Variants in SLIT3 observed in about 807,000 individuals in gnomAD.
SLIT3 encodes slit guidance ligand 3.
A neutral mutation model predicts 184.0 loss-of-function variants in SLIT3; 68 were observed. The ratio of observed to expected loss-of-function variants is 0.37; its 90% CI spans 0.30 to 0.45. The LOEUF (loss-of-function observed/expected upper bound fraction) is 0.45. SLIT3 is among the 20% of genes least tolerant of loss of function. The probability of loss-of-function intolerance (pLI) is 1.00; values close to 1 mark genes in which losing one functional copy is unlikely to be tolerated. For synonymous variants in SLIT3, 831 were observed against 828.6 expected, an observed-to-expected ratio of 1.00 and a Z score of -0.05; for missense variants, 1,707 against 2,026.0, an observed-to-expected ratio of 0.84 and a Z score of 3.02.
chr5:168,930,220 G>A (rs1761945103), intron 4 of SLIT3, among the ~76,000 whole-genome samples: 1 of 152,160 alleles, frequency 6.6e-6, no homozygotes, highest in South Asian at 2.1e-4. Flanking sequence ...ACACCCCATG[G>A]CCCGCATTTT....
At chr5:169,249,351 T>C (rs1334931454) in intron 2 of SLIT3, among the ~76,000 whole-genome samples, 1 of 152,164 alleles carries the variant, frequency 6.6e-6, no homozygotes, top group Non-Finnish European at 1.5e-5. Flanking sequence ...ATAAGAGGAA[T>C]GTACCAATTA....
At chr5:168,758,482 T>C (rs1755029123) in intron 16 of SLIT3, among the ~76,000 whole-genome samples, 1 of 152,224 alleles carries the variant, frequency 6.6e-6, no homozygotes. Flanking sequence ...TACATTTCTC[T>C]GGTTTGAAAT....
intron 1 of SLIT3, among the ~76,000 whole-genome samples, chr5:169,285,431 A>G (rs1394448607): frequency 6.6e-6 from 1 of 152,242 alleles, no homozygotes; most frequent in Non-Finnish European, 1.5e-5. Context: ...TGGTACAGAA[A>G]AATGATGATC....
At chr5:168,798,611 C>T (rs1027522288) in intron 9 of SLIT3, among the ~76,000 whole-genome samples, 3 of 152,054 alleles carry the variant, frequency 2.0e-5, no homozygotes, top group African/African-American at 7.2e-5. Context: ...CCTGGAGTGC[C>T]AAGGCCATTG....
intron 4 of SLIT3, among the ~76,000 whole-genome samples, chr5:168,991,015 A>AG (rs34857380): frequency 6.6e-6 from 1 of 152,138 alleles, no homozygotes. Context: ...CATTCTGTGA[A>AG]GGGGGAAAGT....
At chr5:169,114,180 C>T (rs758877229) in intron 4 of SLIT3, among the ~76,000 whole-genome samples, 71 of 152,274 alleles carry the variant, frequency 4.7e-4, no homozygotes, top group Non-Finnish European at 8.1e-4. Context: ...AGGACAAAAA[C>T]CTCCCTACCT....
intron 3 of SLIT3, among the ~76,000 whole-genome samples, chr5:169,215,382 G>A (rs1170930702): frequency 6.6e-6 from 1 of 152,110 alleles, no homozygotes; most frequent in Non-Finnish European, 1.5e-5. Context: ...TACTCCCAGA[G>A]TCCTCTGTCA....
intron 4 of SLIT3, among the ~76,000 whole-genome samples, chr5:169,151,800 A>G (rs374638375): frequency 1.3e-5 from 2 of 152,286 alleles, no homozygotes; most frequent in South Asian, 2.1e-4. Context: ...TCAGGAAAAG[A>G]TAGAGAAAGA....
intron 9 of SLIT3, among the ~76,000 whole-genome samples, chr5:168,804,033 A>G (rs1055115009): frequency 1.3e-5 from 2 of 151,818 alleles, no homozygotes; most frequent in African/African-American, 4.8e-5. Context: ...GAGGGCGGGC[A>G]CGGTGGCTCA....
At chr5:169,140,480 C>CAA (rs34881862) in intron 4 of SLIT3, among the ~76,000 whole-genome samples, 12 of 46,922 alleles carry the variant, frequency 2.6e-4, no homozygotes, top group Non-Finnish European at 4.4e-4. Context: ...AACTCTAACT[C>CAA]AAAAAAAAAA....
intron 4 of SLIT3, among the ~76,000 whole-genome samples, chr5:169,157,978 A>G (rs1000089996): frequency 2.0e-5 from 3 of 152,068 alleles, no homozygotes; most frequent in East Asian, 3.8e-4. Flanking sequence ...AAAAAAATGA[A>G]CAGAGCCCCA....
chr5:169,094,022 T>G (rs896542126), intron 4 of SLIT3, among the ~76,000 whole-genome samples: 1 of 152,182 alleles, frequency 6.6e-6, no homozygotes, highest in African/African-American at 2.4e-5. Flanking sequence ...CACATCATGG[T>G]CCTAACAACA....
intron 6 of SLIT3, among the ~76,000 whole-genome samples, chr5:168,838,372 T>G (rs1180403105): frequency 6.6e-6 from 1 of 152,184 alleles, no homozygotes; most frequent in African/African-American, 2.4e-5. Flanking sequence ...CTCATTCTAC[T>G]GACTTATCAC....
chr5:169,148,105 G>T (rs972903957), intron 4 of SLIT3, among the ~76,000 whole-genome samples: 1 of 152,112 alleles, frequency 6.6e-6, no homozygotes, highest in Non-Finnish European at 1.5e-5. Flanking sequence ...CCAATCTCAG[G>T]TCCTCCTTCC....
chr5:169,113,957 C>T (rs2113268038), intron 4 of SLIT3, among the ~76,000 whole-genome samples: 1 of 152,278 alleles, frequency 6.6e-6, no homozygotes, highest in African/African-American at 2.4e-5. Flanking sequence ...CATGGCTCAT[C>T]ATGCCATTTT....
chr5:169,177,002 A>C (rs1410859990), intron 4 of SLIT3, among the ~76,000 whole-genome samples: 3 of 152,180 alleles, frequency 2.0e-5, no homozygotes, highest in Non-Finnish European at 4.4e-5. Flanking sequence ...AGGCATGACA[A>C]TTTGTTTCAC....
intron 6 of SLIT3, among the ~76,000 whole-genome samples, chr5:168,829,658 G>A (rs1316598263): frequency 6.7e-6 from 1 of 150,326 alleles, no homozygotes; most frequent in Non-Finnish European, 1.5e-5. Context: ...GCATCCAATG[G>A]CCAGCACAGC....
chr5:168,897,915 A>G (rs945479258), intron 4 of SLIT3, among the ~76,000 whole-genome samples: 1 of 152,082 alleles, frequency 6.6e-6, no homozygotes, highest in Admixed American at 6.6e-5. Context: ...CTTTGCATCC[A>G]GCCAGAGGGG....
intron 4 of SLIT3, among the ~76,000 whole-genome samples, chr5:168,945,574 C>G (rs370016026): frequency 9.7e-4 from 148 of 152,344 alleles, no homozygotes; most frequent in Middle Eastern, 3.4e-3. Flanking sequence ...ATCACACATT[C>G]TGGCCTGGCC....
Sources: allele counts gnomAD v4.1 joint callset (sites outside exome capture counted in the v4.1 genomes callset), GRCh38; gene constraint gnomAD v4.1.1; transcripts MANE v1.5; gene names NCBI Gene and HGNC (gene_info 2026-07-23, HGNC 2026-07-21).